The following ZFHX3 variants were observed in gnomAD, a reference collection of about 807,000 sequenced individuals.
ZFHX3 encodes the protein zinc finger homeobox 3, also known as zinc finger homeobox protein 3.
A neutral mutation model predicts 279.1 loss-of-function variants in ZFHX3; 42 were observed. That is an observed-to-expected ratio of 0.15 (90% CI 0.12 to 0.19). The LOEUF (loss-of-function observed/expected upper bound fraction) is 0.19. Among genes scored for constraint, ZFHX3 ranks in the 10% least tolerant of loss-of-function variants. ZFHX3 has a pLI of 1.00. For missense variants in ZFHX3, 4,981 were observed against 4,754.0 expected (o/e 1.05, Z -1.40); for synonymous variants, 2,293 against 1,957.8 (o/e 1.17, Z -4.52).
chr16:73,347,944 T>C (rs1010773717), intron 3 of ZFHX3, among the ~76,000 whole-genome samples: 1 of 152,254 alleles, frequency 6.6e-6, no homozygotes, highest in Non-Finnish European at 1.5e-5. Flanking sequence ...GTGAAAACTT[T>C]TGATATTTAA....
intron 1 of ZFHX3, among the ~76,000 whole-genome samples, chr16:73,732,816 G>T (rs961687297): frequency 2.6e-5 from 4 of 152,164 alleles, no homozygotes; most frequent in African/African-American, 9.7e-5. Context: ...AGTGGTCTAT[G>T]GTGGTGGTGA....
At chr16:73,015,625 A>G (rs1036772438) in intron 1 of ZFHX3, 33 of 152,166 alleles carry the variant, frequency 2.2e-4, no homozygotes, top group African/African-American at 6.5e-4. Flanking sequence ...ACCTTACCCA[A>G]TATATTCCAC....
At chr16:73,202,580 C>A (rs1044179201) in intron 5 of ZFHX3, among the ~76,000 whole-genome samples, 1 of 152,178 alleles carries the variant, frequency 6.6e-6, no homozygotes, top group Non-Finnish European at 1.5e-5. Context: ...ACTGGGCCAA[C>A]CAGATGGTGC....
chr16:73,136,786 CA>C (rs1467100395), intron 6 of ZFHX3, among the ~76,000 whole-genome samples: 2 of 138,008 alleles, frequency 1.4e-5, no homozygotes, highest in Non-Finnish European at 3.1e-5. Context: ...TTGCACCAAT[CA>C]AATAAGACAA....
At chr16:73,348,994 G>A (rs1184717055) in intron 3 of ZFHX3, among the ~76,000 whole-genome samples, 2 of 152,184 alleles carry the variant, frequency 1.3e-5, no homozygotes, top group Non-Finnish European at 2.9e-5. Context: ...GAATGGGGAT[G>A]GTTTTATTAT....
intron 4 of ZFHX3, among the ~76,000 whole-genome samples, chr16:73,271,636 A>G (rs1421747643): frequency 6.6e-6 from 1 of 152,252 alleles, no homozygotes; most frequent in Non-Finnish European, 1.5e-5. Flanking sequence ...GAACAGCTGT[A>G]TAGCTTTCAA....
At chr16:73,309,685 C>T (rs1389765519) in intron 4 of ZFHX3, among the ~76,000 whole-genome samples, 2 of 152,198 alleles carry the variant, frequency 1.3e-5, no homozygotes, top group South Asian at 4.2e-4. Flanking sequence ...GGTCTCAGAG[C>T]CTCAGGCATG....
At chr16:73,782,238 T>A (rs1464818171) in intron 1 of ZFHX3, among the ~76,000 whole-genome samples, 1 of 152,176 alleles carries the variant, frequency 6.6e-6, no homozygotes, top group Admixed American at 6.5e-5. Flanking sequence ...TGAGCCTCTG[T>A]TTTGTTGGGT....
intron 2 of ZFHX3, chr16:73,680,172 C>A (rs2052995914): frequency 6.6e-6 from 1 of 152,054 alleles, no homozygotes; most frequent in Non-Finnish European, 1.5e-5. Context: ...TGGAACGCTT[C>A]TACATACCAA....
intron 8 of ZFHX3, among the ~76,000 whole-genome samples, chr16:73,090,054 T>G (rs905584901): frequency 6.6e-6 from 1 of 152,206 alleles, no homozygotes; most frequent in African/African-American, 2.4e-5. Context: ...GGCACTTTTT[T>G]TCCTAATCCG....
At chr16:73,833,296 G>C (rs2142360445) in intron 1 of ZFHX3, among the ~76,000 whole-genome samples, 1 of 152,240 alleles carries the variant, frequency 6.6e-6, no homozygotes, top group African/African-American at 2.4e-5. Context: ...TCAGGAGTTT[G>C]AGGCTGCAGT....
At chr16:72,968,058 G>A (rs9921395) in intron 1 of ZFHX3, among the ~76,000 whole-genome samples, 59,827 of 151,186 alleles carry the variant, frequency 0.4, 12,204 homozygotes, top group Non-Finnish European at 0.44. Flanking sequence ...GAACCTGGCA[G>A]ACACCACCTT....
rs61090242 is a variant in ZFHX3, at chr16:73,366,588, C to CA, written c.-1290-48253dup. 7.1e-3 allele frequency among the ~76,000 whole-genome samples: 869 copies of CA among 121,872 alleles called. 5 individuals carry two copies. Among genetic ancestry groups the CA allele is most frequent in the Non-Finnish European group, 0.011 (653 of 57,800 alleles). The allele number at this position is 121,872 out of a possible 152,430, so 80.0% of individuals were successfully genotyped here. On this transcript the variant is annotated intron_variant, in intron 3 of 17. Transcript: ENST00000641206. Reference sequence around the variant, plus strand: ...CTCTACAAAAATACCAAACCAAAACCAAAAAAAAAAAAAAAAAAGAGAGAA... The same window carrying CA: ...CTCTACAAAAATACCAAACCAAAACCAAAAAAAAAAAAAAAAAAAGAGAGAA...
intron 3 of ZFHX3, among the ~76,000 whole-genome samples, chr16:73,434,069 AC>A (rs1235406163): frequency 6.6e-6 from 1 of 152,160 alleles, no homozygotes; most frequent in African/African-American, 2.4e-5. Flanking sequence ...CTCTATCAGG[AC>A]TAGTGGTCAG....
At chr16:73,889,234 G>A (rs190846830) in intron 1 of ZFHX3, among the ~76,000 whole-genome samples, 421 of 152,308 alleles carry the variant, frequency 2.8e-3, no homozygotes, top group African/African-American at 9.6e-3. Flanking sequence ...ACACAGGTGC[G>A]GCTGTGCAGG....
At chr16:73,472,345 G>A (rs1157040729) in intron 2 of ZFHX3, among the ~76,000 whole-genome samples, 1 of 151,278 alleles carries the variant, frequency 6.6e-6, no homozygotes, top group African/African-American at 2.4e-5. Flanking sequence ...ATGGTGGCAC[G>A]ATGTGAAGTC....
chr16:73,534,837 T>C (rs1339411605), intron 2 of ZFHX3, among the ~76,000 whole-genome samples: 1 of 152,202 alleles, frequency 6.6e-6, no homozygotes, highest in Non-Finnish European at 1.5e-5. Context: ...ATATTTTCTT[T>C]GTACATAAGG....
intron 4 of ZFHX3, among the ~76,000 whole-genome samples, chr16:72,846,445 C>G (rs546034560): frequency 1.5e-5 from 2 of 130,222 alleles, no homozygotes; most frequent in East Asian, 4.7e-4. Flanking sequence ...GGGCAGCATC[C>G]TGTAGGCCTT....
intron 2 of ZFHX3, among the ~76,000 whole-genome samples, chr16:73,494,994 G>T (rs1258152549): frequency 1.3e-5 from 2 of 152,122 alleles, no homozygotes; most frequent in Non-Finnish European, 2.9e-5. Flanking sequence ...TTTCTCTTTT[G>T]TATCAATCGT....
Sources: allele counts gnomAD v4.1 joint callset (sites outside exome capture counted in the v4.1 genomes callset), GRCh38; gene constraint gnomAD v4.1.1; transcripts MANE v1.5; gene names NCBI Gene and HGNC (gene_info 2026-07-23, HGNC 2026-07-21).